The following TCERG1L variants were observed in gnomAD, a reference collection of about 807,000 sequenced individuals.
The protein encoded by TCERG1L is transcription elongation regulator 1 like, also known as transcription elongation regulator 1-like protein.
Under a neutral mutation model 56.3 loss-of-function variants are expected in TCERG1L, and 37 were observed. That is an observed-to-expected ratio of 0.66 (90% confidence interval 0.51 to 0.87). The LOEUF (loss-of-function observed/expected upper bound fraction) is 0.87. Among genes scored for constraint, TCERG1L ranks in the 40% least tolerant of loss-of-function variants. The pLI is 0.00. For synonymous variants in TCERG1L, 324 were observed against 326.3 expected (o/e 0.99, Z 0.08); for missense variants, 799 against 774.2 (o/e 1.03, Z -0.38).
intron 3 of TCERG1L, among the ~76,000 whole-genome samples, chr10:131,291,315 A>T (rs1015760731): frequency 1.4e-5 from 2 of 146,060 alleles, no homozygotes; most frequent in African/African-American, 5.1e-5. Context: ...TATTTCATAT[A>T]TATCTGTCTG....
intron 7 of TCERG1L, among the ~76,000 whole-genome samples, chr10:131,146,207 G>T (rs1308179214): frequency 6.6e-6 from 1 of 152,214 alleles, no homozygotes; most frequent in Admixed American, 6.5e-5. Flanking sequence ...AGAATAAAAT[G>T]CTGGGTAACA....
intron 4 of TCERG1L, among the ~76,000 whole-genome samples, chr10:131,183,410 TCTATTGAGCTAC>T (rs1845201715): frequency 6.6e-6 from 1 of 152,198 alleles, no homozygotes; most frequent in Non-Finnish European, 1.5e-5. Flanking sequence ...TTTTCCCATT[TCTATTGAGCTAC>T]CTATCAAATG....
At chr10:131,307,279 A>G (rs946428066) in intron 3 of TCERG1L, among the ~76,000 whole-genome samples, 2 of 152,226 alleles carry the variant, frequency 1.3e-5, no homozygotes, top group Non-Finnish European at 2.9e-5. Context: ...AAACACAAAT[A>G]GTTTAGTTGT....
intron 8 of TCERG1L, among the ~76,000 whole-genome samples, chr10:131,133,152 G>GAT (rs1845637104): frequency 6.6e-6 from 1 of 152,144 alleles, no homozygotes; most frequent in Non-Finnish European, 1.5e-5. Context: ...TGACCGCCCT[G>GAT]GCTGCTGGGC....
At position 131,311,582 on chromosome 10, in the gene TCERG1L, C is replaced by A; in HGVS notation, c.54G>T (p.Gln18His). Residue 18 changes from glutamine (Q) to histidine (H), a missense_variant, in exon 1 of 12, where the codon CAG becomes CAT. Physicochemically the swap from Gln to His is conservative, Grantham distance 24. Transcript: ENST00000368642. This position sits in a 1 kb window ranked among gnomAD's most constrained non-coding sequence, Gnocchi z 4.0. ...QRRRRQLQQQ[Q>H]PRRRQPLLWP... The stretch of plus-strand genomic sequence containing the variant: ...AGAGGAGAGGCTGCCGCCGCCGGGG[C>A]TGCTGCTGCTGCAGCTGCCGCCGCC... The A allele has an allele frequency of 1.7e-6, 2 of 1,151,418 alleles. No individual in the cohort carries two copies. The highest frequency in any genetic ancestry group is 2.1e-6 in the Non-Finnish European group (2 of 936,868). 71.3% of individuals were successfully genotyped at this position (1,151,418 alleles called of 1,614,324 possible). A position where few individuals can be genotyped will look rare whatever the true frequency, so the allele number is the denominator to read the frequency against.
At chr10:131,188,040 C>T (rs1845265233) in intron 4 of TCERG1L, among the ~76,000 whole-genome samples, 1 of 152,186 alleles carries the variant, frequency 6.6e-6, no homozygotes, top group Non-Finnish European at 1.5e-5. Context: ...GGCTTGGTCC[C>T]CAGCACACTT....
chr10:131,231,328 G>A (rs1031339284), intron 4 of TCERG1L, among the ~76,000 whole-genome samples: 3 of 152,184 alleles, frequency 2.0e-5, no homozygotes, highest in African/African-American at 2.4e-5. Flanking sequence ...ACTCAGTCAC[G>A]AGTGACAGCT....
At chr10:131,250,655 GC>G (rs1846099914) in intron 4 of TCERG1L, among the ~76,000 whole-genome samples, 1 of 152,170 alleles carries the variant, frequency 6.6e-6, no homozygotes, top group African/African-American at 2.4e-5. Flanking sequence ...ATGGTGGACA[GC>G]AGTGCCTGCC....
chr10:131,137,095 GTGCCAC>G (rs1845683908), intron 7 of TCERG1L, among the ~76,000 whole-genome samples: 1 of 151,972 alleles, frequency 6.6e-6, no homozygotes, highest in Non-Finnish European at 1.5e-5. Context: ...AGCCGCGATT[GTGCCAC>G]TGCACTCCAG....
At chr10:131,144,344 G>T (rs12255578) in intron 7 of TCERG1L, among the ~76,000 whole-genome samples, 7,317 of 152,094 alleles carry the variant, frequency 0.048, 245 homozygotes, top group South Asian at 0.2. Context: ...AATATCTGAC[G>T]AGCCGCGACG....
intron 4 of TCERG1L, among the ~76,000 whole-genome samples, chr10:131,206,626 C>T (rs916730027): frequency 1.3e-5 from 2 of 152,144 alleles, no homozygotes. Context: ...GCAGAGGTCA[C>T]GTGTTCCCAA....
At chr10:131,301,409 A>G (rs1214545790) in intron 3 of TCERG1L, among the ~76,000 whole-genome samples, 1 of 152,122 alleles carries the variant, frequency 6.6e-6, no homozygotes, top group Non-Finnish European at 1.5e-5. Flanking sequence ...AACCAAATTA[A>G]CAAATACTCA....
intron 7 of TCERG1L, among the ~76,000 whole-genome samples, chr10:131,141,726 G>T (rs1020761423): frequency 6.6e-6 from 1 of 151,720 alleles, no homozygotes; most frequent in Non-Finnish European, 1.5e-5. Context: ...TTGGTGGCTT[G>T]ATGTCTTAGG....
chr10:131,128,350 G>C lies in TCERG1L; in HGVS notation c.1259+6029C>G, dbSNP rs1367022627. Among the ~76,000 whole-genome samples, 4 of 152,282 alleles carry C rather than the reference G, an allele frequency of 2.6e-5. No homozygotes were observed. The South Asian group carries it at 8.3e-4, about 32-fold the overall frequency. On this transcript the variant is annotated intron_variant, in intron 8 of 11. Transcript: ENST00000368642. ...CAGTTCACAGGTGACTCCAAGCCAC[G>C]AAACAGAACAGACATGAAAGCAATT...
At chr10:131,204,363 C>T (rs1160149223) in intron 4 of TCERG1L, among the ~76,000 whole-genome samples, 1 of 152,256 alleles carries the variant, frequency 6.6e-6, no homozygotes, top group Non-Finnish European at 1.5e-5. Context: ...GGCCCGATGG[C>T]CCCACCACAA....
At chr10:131,195,403 G>A (rs768132697) in intron 4 of TCERG1L, among the ~76,000 whole-genome samples, 15 of 152,286 alleles carry the variant, frequency 9.8e-5, no homozygotes, top group African/African-American at 3.1e-4. Context: ...ACCAGAACAC[G>A]ACTGTGGCAC....
At chr10:131,183,888 C>T (rs1845208258) in intron 4 of TCERG1L, among the ~76,000 whole-genome samples, 1 of 152,238 alleles carries the variant, frequency 6.6e-6, no homozygotes, top group South Asian at 2.1e-4. Context: ...GCATGCTGAG[C>T]ATCGTGTCTG....
At chr10:131,179,180 C>T (rs1845143614) in intron 4 of TCERG1L, among the ~76,000 whole-genome samples, 1 of 152,210 alleles carries the variant, frequency 6.6e-6, no homozygotes, top group Non-Finnish European at 1.5e-5. Context: ...CTGCCCACCC[C>T]AGCAAACTAA....
chr10:131,296,906 G>C (rs1365290140), intron 3 of TCERG1L, among the ~76,000 whole-genome samples: 1 of 152,090 alleles, frequency 6.6e-6, no homozygotes, highest in Non-Finnish European at 1.5e-5. Flanking sequence ...CAGTAATACA[G>C]GGGTACAATT....
Sources: allele counts gnomAD v4.1 joint callset (sites outside exome capture counted in the v4.1 genomes callset), GRCh38; gene constraint gnomAD v4.1.1; non-coding constraint Gnocchi (gnomAD v3.1); transcripts MANE v1.5; gene names NCBI Gene and HGNC (gene_info 2026-07-23, HGNC 2026-07-21).